PBLD: variants seen among roughly 807,000 people sequenced by gnomAD.
PBLD encodes the protein phenazine biosynthesis-like domain-containing protein.
A neutral mutation model predicts 31.3 loss-of-function variants in PBLD; 26 were observed. The observed-to-expected ratio is 0.83, with a 90% confidence interval of 0.61 to 1.15. The LOEUF is 1.15. Ranked by LOEUF, PBLD falls within the 50% of genes most tolerant of loss-of-function variation. The pLI, the probability that PBLD is intolerant of heterozygous loss-of-function variation, is 0.00. For synonymous variants in PBLD, 114 were observed against 129.0 expected, an observed-to-expected ratio of 0.88 and a Z score of 0.79; for missense variants, 307 against 351.7, an observed-to-expected ratio of 0.87 and a Z score of 1.02.
intron 6 of PBLD, among the ~76,000 whole-genome samples, chr10:68,290,860 G>T (rs10762210): frequency 0.79 from 119,960 of 152,170 alleles, 47,897 homozygotes; most frequent in Non-Finnish European, 0.86. Context: ...TTTCTACCAT[G>T]AACAAGGTCT....
At chr10:68,308,121 A>G (rs941412161) in intron 1 of PBLD, among the ~76,000 whole-genome samples, 1 of 152,188 alleles carries the variant, frequency 6.6e-6, no homozygotes, top group Non-Finnish European at 1.5e-5. Flanking sequence ...CTTATATAAA[A>G]TAGCGTAATT....
At chr10:68,290,411 T>C (rs899678898) in intron 6 of PBLD, among the ~76,000 whole-genome samples, 2 of 151,932 alleles carry the variant, frequency 1.3e-5, no homozygotes, top group Admixed American at 1.3e-4. Context: ...TCTGCATGAG[T>C]TTGTACATTG....
chr10:68,303,422 GT>G (rs111979391), intron 2 of PBLD, among the ~76,000 whole-genome samples: 151,742 of 151,742 alleles, frequency 1, 75,871 homozygotes, highest in Non-Finnish European at 1. Context: ...TTTGTTCTAT[GT>G]TTCCAGGTAG....
In PBLD at chr10:68,288,937, T is replaced by C. The variant is rs1176117533; in HGVS notation, c.506A>G (p.Tyr169Cys). 1 of 1,614,084 alleles carries C rather than the reference T, an allele frequency of 6.2e-7. No individual in the cohort carries two copies. Among genetic ancestry groups the C allele is most frequent in the Non-Finnish European group, 8.5e-7 (1 of 1,179,926 alleles). The change falls in exon 7 of 10, where the codon TAC becomes TGC. Residue 169 changes from tyrosine (Y) to cysteine (C), a missense_variant. Tyr to Cys is a radical substitution (Grantham distance 194, BLOSUM62 -2). Transcript: ENST00000358769. ...ATGCAGCCAAAAATCTTACCTGTTG[T>C]AAACGTCACTGAGGCGGACGAGGAG... Reference protein sequence around the residue: ...QKLLVRLSDVYNRSFLENLKV... With the variant: ...QKLLVRLSDVCNRSFLENLKV...
Position 68,285,399 on chromosome 10 carries a change from C to T in PBLD, c.703G>A (p.Ala235Thr), listed in dbSNP as rs74723126. 1.8e-4 allele frequency: 283 copies of T among 1,612,116 alleles called. 1 individual carries two copies. In the African/African-American group the frequency reaches 3.3e-3, roughly 19 times the overall value. ...TGGGACCAGTAGCTGCTGAGAACAGCGTGTGCAGACCCTCAAAAGAAGTGA... is the reference window on the plus strand; with the variant it reads ...TGGGACCAGTAGCTGCTGAGAACAGTGTGTGCAGACCCTCAAAAGAAGTGA... Reference protein sequence around the residue: ...AEDPVTGSAHAVLSSYWSQHL... With the variant: ...AEDPVTGSAHTVLSSYWSQHL... Residue 235 changes from alanine to threonine, a missense_variant, in exon 9 of 10, where the codon GCT becomes ACT. By Grantham distance (58) the Ala-to-Thr change is moderately conservative. Transcript: ENST00000358769.
intron 8 of PBLD, chr10:68,288,081 A>C (rs2044310757): frequency 5.8e-6 from 1 of 173,546 alleles, no homozygotes; most frequent in African/African-American, 2.4e-5. Context: ...ATACAATATA[A>C]TAGCTAGTAG....
chr10:68,320,682 A>G (rs575597975), intron 1 of PBLD, among the ~76,000 whole-genome samples: 32 of 151,068 alleles, frequency 2.1e-4, no homozygotes, highest in Non-Finnish European at 4.0e-4. Context: ...TAATTTTTTT[A>G]TTTTAATTTT....
At chr10:68,310,428 C>A (rs1039193697) in intron 1 of PBLD, among the ~76,000 whole-genome samples, 1 of 147,900 alleles carries the variant, frequency 6.8e-6, no homozygotes, top group Admixed American at 6.9e-5. Context: ...ACAAATGCAT[C>A]ACCTCACATA....
At chr10:68,315,515 G>A (rs190912258) in intron 1 of PBLD, among the ~76,000 whole-genome samples, 6 of 151,740 alleles carry the variant, frequency 4.0e-5, no homozygotes, top group Non-Finnish European at 2.9e-5. Flanking sequence ...AACCTGGGAG[G>A]TGGAGGTTAC....
At chr10:68,299,809 T>C (rs1267533096) in intron 2 of PBLD, among the ~76,000 whole-genome samples, 1 of 151,966 alleles carries the variant, frequency 6.6e-6, no homozygotes, top group Non-Finnish European at 1.5e-5. Flanking sequence ...GCCGAGATCA[T>C]GCCATTGCAC....
At chr10:68,332,438 C>T (rs1291106657) in intron 1 of PBLD, among the ~76,000 whole-genome samples, 4 of 152,220 alleles carry the variant, frequency 2.6e-5, no homozygotes, top group African/African-American at 9.6e-5. Flanking sequence ...CAGTGGACGA[C>T]GCCGAGGCCC....
In PBLD at chr10:68,310,733, G is replaced by A. The variant is rs911869539; in HGVS notation, c.-59-3830C>T. The stretch of plus-strand genomic sequence containing the variant: ...TTCTGTGTTTGGCTTATTTCACTTA[G>A]CATAATGCCTTCCAGGTTCACCCAT... On this transcript the variant is annotated intron_variant, in intron 1 of 9. Transcript: ENST00000358769. Among the ~76,000 whole-genome samples the A allele has an allele frequency of 3.3e-5, 5 of 149,908 alleles. 1 individual carries two copies. In the Admixed American group the frequency reaches 3.4e-4, roughly 10 times the overall value.
At position 68,285,520 on chromosome 10, in the gene PBLD, C is replaced by T. The variant is rs2044275735; in HGVS notation, c.692-110G>A. The T allele has an allele frequency of 9.2e-6, 13 of 1,417,494 alleles. No individual in the cohort carries two copies. In the South Asian group the frequency reaches 1.1e-4, roughly 12 times the overall value. The allele number at this position is 1,417,494 out of a possible 1,614,324, so 87.8% of individuals were successfully genotyped here. ...TATCCAGTTTGAATAAACTCTAGAT[C>T]ACCTAAATCATTATGTTGGCCAGGC... On this transcript the variant is annotated intron_variant, in intron 8 of 9. Coordinates refer to ENST00000358769, the MANE Select transcript of PBLD (RefSeq NM_022129.4).
chr10:68,319,007 G>A (rs186212256), intron 1 of PBLD, among the ~76,000 whole-genome samples: 1 of 147,202 alleles, frequency 6.8e-6, no homozygotes, highest in African/African-American at 2.5e-5. Flanking sequence ...AAGAGAGAAA[G>A]AAAGAAAGAG....
intron 8 of PBLD, among the ~76,000 whole-genome samples, chr10:68,286,260 G>T (rs922984138): frequency 4.6e-4 from 70 of 151,468 alleles, no homozygotes; most frequent in African/African-American, 1.5e-3. Flanking sequence ...GCTAATTTTT[G>T]TATTTTTAGT....
intron 1 of PBLD, among the ~76,000 whole-genome samples, chr10:68,332,568 C>A (rs1029604203): frequency 9.9e-5 from 15 of 152,150 alleles, no homozygotes; most frequent in Admixed American, 9.8e-4. Context: ...CTTTTTTGTT[C>A]CCCAGCTTCC....
At chr10:68,317,850 A>G (rs1386131812) in intron 1 of PBLD, among the ~76,000 whole-genome samples, 9 of 152,056 alleles carry the variant, frequency 5.9e-5, no homozygotes, top group Non-Finnish European at 1.5e-5. Context: ...GCACAATGAT[A>G]TGAATATACT....
At chr10:68,293,129 G>C (rs573034727) in intron 4 of PBLD, among the ~76,000 whole-genome samples, 6 of 152,236 alleles carry the variant, frequency 3.9e-5, no homozygotes, top group African/African-American at 1.4e-4. Context: ...CAAAGTGTTG[G>C]GATTACAGGC....
chr10:68,330,892 T>C (rs1012739319), intron 1 of PBLD, among the ~76,000 whole-genome samples: 1 of 152,100 alleles, frequency 6.6e-6, no homozygotes, highest in African/African-American at 2.4e-5. Flanking sequence ...TCTCCCTCGG[T>C]CTCCCAGACT....
Sources: gnomAD v4.1 joint callset for allele counts (sites outside exome capture counted in the v4.1 genomes callset) on GRCh38, gnomAD v4.1.1 for gene constraint, MANE v1.5 for transcripts, NCBI Gene and HGNC (gene_info 2026-07-23, HGNC 2026-07-21) for gene names.